Variants in NCOA2 observed in about 807,000 individuals in gnomAD.
NCOA2 encodes the protein nuclear receptor coactivator 2, also known as class E basic helix-loop-helix protein 75.
NCOA2 carries 21 observed loss-of-function variants against 145.1 expected under a neutral mutation model. That is an observed-to-expected ratio of 0.14 (90% CI 0.10 to 0.21). The LOEUF (loss-of-function observed/expected upper bound fraction) is 0.21. Among genes scored for constraint, NCOA2 ranks in the 10% least tolerant of loss-of-function variants. The probability of loss-of-function intolerance (pLI) is 1.00; values close to 1 mark genes in which losing one functional copy is unlikely to be tolerated. For synonymous variants in NCOA2, 619 were observed against 637.5 expected (o/e 0.97, Z 0.44); for missense variants, 1,472 against 1,837.6 (o/e 0.80, Z 3.64).
intron 1 of NCOA2, among the ~76,000 whole-genome samples, chr8:70,321,626 A>G (rs1806073263): frequency 6.6e-6 from 1 of 152,010 alleles, no homozygotes; most frequent in East Asian, 1.9e-4. Flanking sequence ...GAGGAAGTAG[A>G]CTTACTAAGA....
At chr8:70,437,282 T>G in the NCOA2 span, among the ~76,000 whole-genome samples, 1 of 152,236 alleles carries the variant, frequency 6.6e-6, no homozygotes, top group African/African-American at 2.4e-5. Flanking sequence ...CAGGCTCTCA[T>G]GCCATTCATT....
intron 4 of NCOA2, among the ~76,000 whole-genome samples, chr8:70,203,971 T>C (rs185548263): frequency 2.3e-4 from 35 of 152,284 alleles, no homozygotes; most frequent in African/African-American, 7.2e-4. Flanking sequence ...CCATGGTAAT[T>C]AAAGTTCCTA....
At chr8:70,187,553 A>C (rs543536176) in intron 4 of NCOA2, among the ~76,000 whole-genome samples, 53 of 152,356 alleles carry the variant, frequency 3.5e-4, no homozygotes, top group African/African-American at 1.2e-3. Flanking sequence ...ACAGACAGAT[A>C]TACAGACTGT....
intron 5 of NCOA2, 132 bp downstream of exon 5, chr8:70,174,624 A>G: frequency 1.3e-6 from 1 of 772,696 alleles, no homozygotes; most frequent in South Asian, 1.7e-5. Context: ...CAGGCATATC[A>G]GCAAGCTCAA....
intron 4 of NCOA2, among the ~76,000 whole-genome samples, chr8:70,175,715 C>T (rs961755020): frequency 2.0e-5 from 3 of 152,206 alleles, no homozygotes; most frequent in African/African-American, 7.2e-5. Context: ...CAACAACTTG[C>T]TAGAAAACAA....
In NCOA2 at chr8:70,290,247, C is replaced by T. The variant is rs1323145229; in HGVS notation, c.-20+6497G>A. 2.1e-5 allele frequency among the ~76,000 whole-genome samples: 3 copies of T among 142,178 alleles called. No individual in the cohort carries two copies. In the South Asian group the frequency reaches 6.7e-4, roughly 32 times the overall value. 93.3% of individuals were successfully genotyped at this position (142,178 alleles called of 152,430 possible). ...TGTTGCCCAGGCTAGAGTGCAGTGGCGCGATTTCTCGGCTCACTACCAGCT... is the reference window on the plus strand; with the variant it reads ...TGTTGCCCAGGCTAGAGTGCAGTGGTGCGATTTCTCGGCTCACTACCAGCT... On this transcript the variant is annotated intron_variant, in intron 2 of 22. Coordinates refer to ENST00000452400, the MANE Select transcript of NCOA2 (RefSeq NM_006540.4).
chr8:70,169,804 C>G (rs1277561805), intron 6 of NCOA2, among the ~76,000 whole-genome samples: 1 of 151,964 alleles, frequency 6.6e-6, no homozygotes, highest in Non-Finnish European at 1.5e-5. Context: ...AAAATAGTTG[C>G]CATATAAGTA....
chr8:70,419,202 G>A, the NCOA2 span, among the ~76,000 whole-genome samples: 15 of 151,560 alleles, frequency 9.9e-5, no homozygotes, highest in African/African-American at 3.4e-4. Flanking sequence ...ATTTTTGCTA[G>A]GTTTTTCATA....
intron 10 of NCOA2, among the ~76,000 whole-genome samples, chr8:70,159,222 T>TATATATATATGTATG (rs1812619153): frequency 2.9e-4 from 13 of 44,490 alleles, no homozygotes; most frequent in African/African-American, 6.7e-4. Context: ...CAGTATAACA[T>TATATATATATGTATG]TATATATATA....
chr8:70,330,961 A>G (rs1177098446), intron 1 of NCOA2, among the ~76,000 whole-genome samples: 2 of 152,196 alleles, frequency 1.3e-5, no homozygotes, highest in East Asian at 1.9e-4. Flanking sequence ...TCTCTCCTAA[A>G]TAAGAACTTT....
intron 2 of NCOA2, among the ~76,000 whole-genome samples, chr8:70,236,989 G>A (rs1226562409): frequency 6.6e-6 from 1 of 152,020 alleles, no homozygotes; most frequent in Non-Finnish European, 1.5e-5. Flanking sequence ...TAAGCTCTTT[G>A]AAAGACAGAA....
At chr8:70,368,687 A>T (rs1371861636) in intron 1 of NCOA2, among the ~76,000 whole-genome samples, 1 of 152,236 alleles carries the variant, frequency 6.6e-6, no homozygotes, top group African/African-American at 2.4e-5. Flanking sequence ...TTATATAAAA[A>T]TTCACTTTAA....
chr8:70,282,595 G>A (rs927948386), intron 2 of NCOA2, among the ~76,000 whole-genome samples: 3 of 151,950 alleles, frequency 2.0e-5, no homozygotes, highest in Non-Finnish European at 4.4e-5. Flanking sequence ...GGCTGAGGCA[G>A]GAGAATCGCT....
the NCOA2 span, among the ~76,000 whole-genome samples, chr8:70,451,747 G>A: frequency 3.3e-5 from 5 of 152,162 alleles, no homozygotes; most frequent in Admixed American, 6.5e-5. Flanking sequence ...TCCTCCACAG[G>A]TAGGTTGATC....
At chr8:70,381,635 CTTTT>C (rs1474471924) in intron 1 of NCOA2, among the ~76,000 whole-genome samples, 3 of 152,088 alleles carry the variant, frequency 2.0e-5, no homozygotes, top group African/African-American at 7.2e-5. Flanking sequence ...AATAATATTT[CTTTT>C]GTTATTCAAG....
At chr8:70,258,779 G>A (rs1433143703) in intron 2 of NCOA2, among the ~76,000 whole-genome samples, 1 of 152,128 alleles carries the variant, frequency 6.6e-6, no homozygotes, top group Non-Finnish European at 1.5e-5. Flanking sequence ...GTGTAACATG[G>A]AGATAGAAAT....
At chr8:70,236,562 C>T (rs1821625504) in intron 2 of NCOA2, among the ~76,000 whole-genome samples, 1 of 152,106 alleles carries the variant, frequency 6.6e-6, no homozygotes, top group African/African-American at 2.4e-5. Context: ...GACTCTTCCT[C>T]CCAAGATTAA....
chr8:70,364,088 G>C (rs1053110879), intron 1 of NCOA2, among the ~76,000 whole-genome samples: 1 of 151,972 alleles, frequency 6.6e-6, no homozygotes, highest in Non-Finnish European at 1.5e-5. Flanking sequence ...TGCGTTATGG[G>C]ACACAGTCTC....
At chr8:70,309,786 A>G (rs914831349) in intron 1 of NCOA2, among the ~76,000 whole-genome samples, 1 of 151,928 alleles carries the variant, frequency 6.6e-6, no homozygotes, top group Non-Finnish European at 1.5e-5. Flanking sequence ...CACCATCTCT[A>G]CCAGAAATAA....
Sources: allele counts gnomAD v4.1 joint callset (sites outside exome capture counted in the v4.1 genomes callset), GRCh38; gene constraint gnomAD v4.1.1; transcripts MANE v1.5; gene names NCBI Gene and HGNC (gene_info 2026-07-23, HGNC 2026-07-21).